ADGRV1: variants seen among roughly 807,000 people sequenced by gnomAD.
The protein encoded by ADGRV1 is G-protein coupled receptor 98.
ADGRV1 carries 359 observed loss-of-function variants against 596.2 expected under a neutral mutation model. The ratio of observed to expected loss-of-function variants is 0.60; its 90% CI spans 0.55 to 0.66. ADGRV1 has a LOEUF of 0.66. Among genes scored for constraint, ADGRV1 ranks in the 30% least tolerant of loss-of-function variants. The pLI is 0.00. For missense variants in ADGRV1, 7,274 were observed against 7,575.6 expected, an observed-to-expected ratio of 0.96 and a Z score of 1.48; for synonymous variants, 2,681 against 2,679.2, an observed-to-expected ratio of 1.00 and a Z score of -0.02.
intron 1 of ADGRV1, among the ~76,000 whole-genome samples, chr5:90,574,578 A>C (rs1294750303): frequency 6.6e-6 from 1 of 152,170 alleles, no homozygotes; most frequent in African/African-American, 2.4e-5. Context: ...TAGATATAGA[A>C]TCATATCGGG....
intron 42 of ADGRV1, 60 bp downstream of exon 42, chr5:90,712,488 G>C: frequency 3.2e-6 from 4 of 1,236,378 alleles, no homozygotes; most frequent in Non-Finnish European, 4.5e-6. Flanking sequence ...CTTAATATGG[G>C]GGAAGATGTA....
At chr5:90,718,540 A>G (rs947927293) in intron 43 of ADGRV1, 43 of 152,270 alleles carry the variant, frequency 2.8e-4, no homozygotes, top group African/African-American at 1.0e-3. Context: ...TATTTTGTCT[A>G]AAACAGTCCA....
chr5:91,055,082 T>C (rs1402089495), intron 85 of ADGRV1, among the ~76,000 whole-genome samples: 1 of 152,178 alleles, frequency 6.6e-6, no homozygotes, highest in East Asian at 1.9e-4. Flanking sequence ...GTTGTAAGTT[T>C]TTCTTGCTTT....
intron 1 of ADGRV1, among the ~76,000 whole-genome samples, chr5:90,565,573 A>G (rs1406445785): frequency 6.6e-6 from 1 of 152,330 alleles, no homozygotes; most frequent in East Asian, 1.9e-4. Flanking sequence ...CCTTTCATTT[A>G]TGCATTTATA....
At chr5:91,118,859 G>A (rs74430671) in intron 87 of ADGRV1, among the ~76,000 whole-genome samples, 2,657 of 152,116 alleles carry the variant, frequency 0.017, 71 homozygotes, top group African/African-American at 0.06. Flanking sequence ...GGCACTGCTT[G>A]TATCTCTGTG....
intron 85 of ADGRV1, among the ~76,000 whole-genome samples, chr5:91,036,326 C>T (rs1784905803): frequency 6.6e-6 from 1 of 151,884 alleles, no homozygotes; most frequent in South Asian, 2.1e-4. Flanking sequence ...AAGCAAGAGC[C>T]TGGTGGGCGG....
At chr5:90,701,776 G>A (rs895607118) in intron 34 of ADGRV1, among the ~76,000 whole-genome samples, 2 of 151,818 alleles carry the variant, frequency 1.3e-5, no homozygotes, top group African/African-American at 4.8e-5. Context: ...TTTCTCCTAA[G>A]CATTTTATTT....
At chr5:91,054,649 AG>A (rs1355219988) in intron 85 of ADGRV1, among the ~76,000 whole-genome samples, 1 of 152,182 alleles carries the variant, frequency 6.6e-6, no homozygotes, top group Non-Finnish European at 1.5e-5. Flanking sequence ...CTTGTCAGGA[AG>A]GCAAGGGCCT....
intron 70 of ADGRV1, among the ~76,000 whole-genome samples, chr5:90,801,047 C>T (rs761938891): frequency 1.8e-4 from 27 of 152,022 alleles, no homozygotes; most frequent in Non-Finnish European, 3.5e-4. Flanking sequence ...TCTGCACATG[C>T]ACCCTAGAAC....
intron 78 of ADGRV1, among the ~76,000 whole-genome samples, chr5:90,842,928 CTTATT>C (rs1442037522): frequency 6.6e-6 from 1 of 151,812 alleles, no homozygotes; most frequent in African/African-American, 2.4e-5. Context: ...ATTTAACTGA[CTTATT>C]TAATAATTAT....
intron 72 of ADGRV1, among the ~76,000 whole-genome samples, chr5:90,807,087 A>G (rs1344700224): frequency 6.6e-6 from 1 of 152,144 alleles, no homozygotes; most frequent in African/African-American, 2.4e-5. Context: ...TCCTGACCTC[A>G]GAATCCGCCC....
At chr5:90,837,270 T>C (rs539047508) in intron 77 of ADGRV1, among the ~76,000 whole-genome samples, 1 of 152,356 alleles carries the variant, frequency 6.6e-6, no homozygotes, top group African/African-American at 2.4e-5. Context: ...TATATATGTG[T>C]GCTAGCTGAA....
chr5:91,006,074 T>C (rs1188134636), intron 85 of ADGRV1, among the ~76,000 whole-genome samples: 2 of 152,102 alleles, frequency 1.3e-5, no homozygotes, highest in African/African-American at 4.8e-5. Context: ...ACTTGTAGAG[T>C]GGCCAGAGTC....
intron 85 of ADGRV1, among the ~76,000 whole-genome samples, chr5:91,025,041 A>G (rs981548438): frequency 1.3e-5 from 2 of 152,290 alleles, no homozygotes; most frequent in East Asian, 3.9e-4. Context: ...TTGATTACCT[A>G]TAGCAAGCTT....
chr5:90,818,759 T>G (rs1352021323), intron 75 of ADGRV1, among the ~76,000 whole-genome samples: 1 of 151,656 alleles, frequency 6.6e-6, no homozygotes, highest in Non-Finnish European at 1.5e-5. Context: ...ATCCCAGGGA[T>G]GAAGCCCACT....
intron 85 of ADGRV1, among the ~76,000 whole-genome samples, chr5:90,988,199 G>A (rs182188324): frequency 1.2e-3 from 182 of 152,220 alleles, no homozygotes; most frequent in African/African-American, 3.8e-3. Context: ...TTGTTTGGTT[G>A]ATTTTGCTTT....
At chr5:90,811,982 G>A (rs1193284002) in intron 74 of ADGRV1, among the ~76,000 whole-genome samples, 4 of 142,910 alleles carry the variant, frequency 2.8e-5, no homozygotes, top group Non-Finnish European at 6.0e-5. Context: ...AGGCTGTAGT[G>A]CAGTGGCATG....
chr5:90,797,287 CAAAAAAAAAAA>C (rs780696194), intron 70 of ADGRV1, among the ~76,000 whole-genome samples: 3 of 26,350 alleles, frequency 1.1e-4, no homozygotes, highest in South Asian at 2.1e-3. Context: ...AAATGAAAAG[CAAAAAAAAAAA>C]AAAAAAAAAA....
chr5:90,770,713 CA>C (rs1180122063), intron 59 of ADGRV1, among the ~76,000 whole-genome samples: 5 of 151,838 alleles, frequency 3.3e-5, no homozygotes, highest in African/African-American at 1.2e-4. Context: ...AACAAACAAA[CA>C]AAAACAAAAA....
Sources: allele counts gnomAD v4.1 joint callset (sites outside exome capture counted in the v4.1 genomes callset), GRCh38; gene constraint gnomAD v4.1.1; transcripts MANE v1.5; gene names NCBI Gene and HGNC (gene_info 2026-07-23, HGNC 2026-07-21).